Variants in DMXL1 observed in about 807,000 individuals in gnomAD.
The protein encoded by DMXL1 is Dmx like 1.
A neutral mutation model predicts 319.2 loss-of-function variants in DMXL1; 99 were observed. That is an observed-to-expected ratio of 0.31 (90% CI 0.26 to 0.37). The LOEUF is 0.37. Ranked by LOEUF, DMXL1 falls within the 10% of genes least tolerant of loss-of-function variation. DMXL1 has a pLI of 1.00. For synonymous variants in DMXL1, 1,385 were observed against 1,235.2 expected (o/e 1.12, Z -2.54); for missense variants, 3,745 against 3,595.6 (o/e 1.04, Z -1.06).
At chr5:119,097,456 G>T (rs540828566) in intron 1 of DMXL1, among the ~76,000 whole-genome samples, 77 of 152,168 alleles carry the variant, frequency 5.1e-4, no homozygotes, top group African/African-American at 1.7e-3. Context: ...AGTGGCTCAC[G>T]CCTGTAATCC....
intron 1 of DMXL1, among the ~76,000 whole-genome samples, chr5:119,095,110 C>G (rs1463027519): frequency 6.6e-6 from 1 of 152,168 alleles, no homozygotes; most frequent in Non-Finnish European, 1.5e-5. Flanking sequence ...CTGTCTTGGC[C>G]TCCCAAGGTT....
intron 34 of DMXL1, among the ~76,000 whole-genome samples, chr5:119,210,158 C>T (rs1297512266): frequency 2.0e-5 from 3 of 151,526 alleles, no homozygotes; most frequent in African/African-American, 7.3e-5. Context: ...ACCATGTTAC[C>T]CAGGCTGGTC....
chr5:119,173,668 A>ATGTGTGTGTGTGTGTGTG lies in DMXL1; in HGVS notation c.6682-1590_6682-1589insGTGTGTGTGTGTGTGTGT, dbSNP rs1461681311. Reference sequence around the variant, plus strand: ...TCACCAAAGAAACAGAATCAGTAGGATGTATGTGTGTGTGTGTGTGTGTGT... The same window carrying ATGTGTGTGTGTGTGTGTG: ...TCACCAAAGAAACAGAATCAGTAGGATGTGTGTGTGTGTGTGTGTGTATGTGTGTGTGTGTGTGTGTGT... On this transcript the variant is annotated intron_variant, in intron 25 of 43. Coordinates refer to ENST00000539542, the MANE Select transcript of DMXL1 (RefSeq NM_001290321.3). Among the ~76,000 whole-genome samples the ATGTGTGTGTGTGTGTGTG allele has an allele frequency of 4.7e-3, 475 of 100,482 alleles. 5 individuals are homozygous for ATGTGTGTGTGTGTGTGTG. Among genetic ancestry groups the ATGTGTGTGTGTGTGTGTG allele is most frequent in the African/African-American group, 0.012 (400 of 33,044 alleles). 65.9% of individuals were successfully genotyped at this position (100,482 alleles called of 152,430 possible). A position where few individuals can be genotyped will look rare whatever the true frequency, so the allele number is the denominator to read the frequency against.
Position 119,149,649 on chromosome 5 carries a change from G to T in DMXL1, c.3822G>T (p.Gly1274=). The change falls in exon 18 of 44, where the codon GGG becomes GGT. Residue 1274 remains glycine (G), a synonymous_variant. Transcript: ENST00000539542. ...SLIKQSNSSS[G]LHPPKKTLTR... ...TAAAACAGAGTAACTCCAGTTCTGG[G>T]TTACATCCTCCAAAGAAAACTCTGA... 6.2e-7 allele frequency: 1 copy of T among 1,613,916 alleles called. No homozygotes were observed. The highest frequency in any genetic ancestry group is 8.5e-7 in the Non-Finnish European group (1 of 1,179,914).
chr5:119,236,448 A>G (rs1195140307), intron 39 of DMXL1: 1 of 151,992 alleles, frequency 6.6e-6, no homozygotes, highest in Non-Finnish European at 1.5e-5. Flanking sequence ...CGGTATGGGG[A>G]AAGTTTTAAA....
chr5:119,178,356 T>C, intron 28 of DMXL1, 112 bp downstream of exon 28: 2 of 1,243,224 alleles, frequency 1.6e-6, no homozygotes, highest in Non-Finnish European at 2.2e-6. Flanking sequence ...AGAGACCATT[T>C]GCGAAAAGCA....
intron 1 of DMXL1, among the ~76,000 whole-genome samples, chr5:119,096,337 C>T (rs553253571): frequency 8.6e-5 from 13 of 151,860 alleles, no homozygotes; most frequent in East Asian, 1.9e-4. Context: ...CGACCATGCC[C>T]GGCTAATTTT....
intron 7 of DMXL1, among the ~76,000 whole-genome samples, chr5:119,118,088 C>G (rs1039557827): frequency 6.6e-6 from 1 of 152,112 alleles, no homozygotes; most frequent in African/African-American, 2.4e-5. Context: ...GACTTATTAA[C>G]ATATATGTAA....
rs116270269 is a variant in DMXL1 at position 119,076,620 on chromosome 5, C to G, written c.87+4964C>G. On this transcript the variant is annotated intron_variant, in intron 1 of 43. Transcript: ENST00000539542. Reference sequence around the variant, plus strand: ...TAAAATCATTGAAATGATAGTAGTTCTCAATACTTTATTATATTTTAAAGA... The same window carrying G: ...TAAAATCATTGAAATGATAGTAGTTGTCAATACTTTATTATATTTTAAAGA... 6.0e-3 allele frequency among the ~76,000 whole-genome samples: 917 copies of G among 152,196 alleles called. 12 individuals are homozygous for G. The highest frequency in any genetic ancestry group is 0.021 in the African/African-American group (866 of 41,528).
intron 25 of DMXL1, among the ~76,000 whole-genome samples, chr5:119,173,776 G>GTATGTATATATATATATA (rs1554127642): frequency 1.5e-5 from 1 of 67,170 alleles, no homozygotes; most frequent in South Asian, 5.4e-4. Flanking sequence ...ATGTGTGTGT[G>GTATGTATATATATATATA]TATATATATA....
At chr5:119,082,365 C>G (rs1752438502) in intron 1 of DMXL1, among the ~76,000 whole-genome samples, 1 of 151,986 alleles carries the variant, frequency 6.6e-6, no homozygotes, top group African/African-American at 2.4e-5. Flanking sequence ...CTTCAACTTC[C>G]TTGGCTCAAG....
intron 38 of DMXL1, among the ~76,000 whole-genome samples, chr5:119,229,032 C>T (rs960776848): frequency 2.1e-4 from 31 of 151,110 alleles, no homozygotes; most frequent in African/African-American, 7.0e-4. Context: ...AACAAAATCT[C>T]GGCTGGGCGC....
chr5:119,098,225 T>C, intron 2 of DMXL1, 121 bp downstream of exon 2: 1 of 1,200,002 alleles, frequency 8.3e-7, no homozygotes, highest in East Asian at 2.6e-5. Context: ...ATAGTGTAGC[T>C]AGAAGAATTT....
chr5:119,104,365 TG>T, intron 3 of DMXL1: 1 of 152,142 alleles, frequency 6.6e-6, no homozygotes. Context: ...TCACCTGGGG[TG>T]TTAAAGTACA....
At position 119,149,355 on chromosome 5, in the gene DMXL1, T is replaced by C. The variant is rs1464285292; in HGVS notation, c.3528T>C (p.Thr1176=). Residue 1176 remains threonine (T), a synonymous_variant, in exon 18 of 44, where the codon ACT becomes ACC. Transcript: ENST00000539542. ...TGGCTGGCAAGGTACAAGACCAAAC[T>C]GGTAAGGAAACCCTGGCATTTCCTC... ...GPLAGKVQDQ[T]GKETLAFPLW... 9 of 1,613,826 alleles carry C rather than the reference T, an allele frequency of 5.6e-6. No individual in the cohort carries two copies. The highest frequency in any genetic ancestry group is 7.6e-6 in the Non-Finnish European group (9 of 1,179,894).
chr5:119,212,741 T>C (rs1367687665), intron 34 of DMXL1, among the ~76,000 whole-genome samples: 1 of 152,182 alleles, frequency 6.6e-6, no homozygotes, highest in East Asian at 1.9e-4. Flanking sequence ...TTTAAGACCA[T>C]ATTCATTGTG....
chr5:119,128,417 C>T (rs1335133033), intron 9 of DMXL1: 3 of 206,154 alleles, frequency 1.5e-5, no homozygotes, highest in Non-Finnish European at 3.1e-5. Flanking sequence ...CTTCTCTCCT[C>T]AGCAGCAGAT....
At chr5:119,211,555 CCTT>C (rs912029538) in intron 34 of DMXL1, among the ~76,000 whole-genome samples, 1 of 152,078 alleles carries the variant, frequency 6.6e-6, no homozygotes, top group Non-Finnish European at 1.5e-5. Context: ...TGCTGCCTCT[CCTT>C]CTTCTGCTAT....
chr5:119,146,502 A>G (rs1768571975), intron 15 of DMXL1, among the ~76,000 whole-genome samples: 1 of 151,946 alleles, frequency 6.6e-6, no homozygotes, highest in African/African-American at 2.4e-5. Flanking sequence ...TTTCATCATG[A>G]TATGTTGAGT....
Sources: gnomAD v4.1 joint callset for allele counts (sites outside exome capture counted in the v4.1 genomes callset) on GRCh38, gnomAD v4.1.1 for gene constraint, MANE v1.5 for transcripts, NCBI Gene and HGNC (gene_info 2026-07-23, HGNC 2026-07-21) for gene names.